DOP1B: variants seen among roughly 807,000 people sequenced by gnomAD.
DOP1B encodes protein DOP1B.
DOP1B carries 174 observed loss-of-function variants against 233.5 expected under a neutral mutation model. The observed-to-expected ratio is 0.75, with a 90% confidence interval of 0.66 to 0.85. DOP1B has a LOEUF of 0.85. DOP1B is among the 40% of genes least tolerant of loss of function. The pLI, the probability that DOP1B is intolerant of heterozygous loss-of-function variation, is 0.00. For missense variants in DOP1B, 2,652 were observed against 2,846.6 expected (o/e 0.93, Z 1.56); for synonymous variants, 1,190 against 1,185.6 (o/e 1.00, Z -0.08).
At chr21:36,282,447 A>G (rs1287756829) in intron 32 of DOP1B, among the ~76,000 whole-genome samples, 1 of 151,954 alleles carries the variant, frequency 6.6e-6, no homozygotes, top group East Asian at 1.9e-4. Flanking sequence ...AATCAATTAC[A>G]GTGTTATTAA....
In DOP1B at chr21:36,245,017, C is replaced by T; in HGVS notation, c.3068-31C>T. The T allele has an allele frequency of 6.4e-7, 1 of 1,569,064 alleles. No individual in the cohort carries two copies. The highest frequency in any genetic ancestry group is 8.7e-7 in the Non-Finnish European group (1 of 1,152,108). ...AATGTATCATAGCTGACCCTTCTGT[C>T]TAAAGTCATTTGTCATCTTGTAATT... On this transcript the variant is annotated intron_variant, in intron 18 of 36. Transcript: ENST00000691173. The surrounding 1 kb of genome is among the most constrained non-coding windows in gnomAD (Gnocchi z 5.5).
rs749249859 is a variant in DOP1B, at chr21:36,219,411, GGGCCTTT to G, written c.1170_1176del (p.Arg390SerfsTer24). Reference sequence around the variant, plus strand: ...GGGAATTTGTTTCTCGAAGTCATCAGGGCCTTTTATTCTTACTGCAGAGATGCCCTTG... The same window carrying G: ...GGGAATTTGTTTCTCGAAGTCATCAGTATTCTTACTGCAGAGATGCCCTTG... On this transcript the variant is annotated frameshift_variant, in exon 10 of 37. Transcript: ENST00000691173. LOFTEE classifies it high-confidence loss of function. The G allele has an allele frequency of 6.2e-6, 10 of 1,614,160 alleles. No homozygotes were observed. The highest frequency in any genetic ancestry group is 8.5e-6 in the Non-Finnish European group (10 of 1,180,048).
At chr21:36,257,260 C>G (rs2067109895) in intron 23 of DOP1B, among the ~76,000 whole-genome samples, 1 of 152,190 alleles carries the variant, frequency 6.6e-6, no homozygotes, top group African/African-American at 2.4e-5. Flanking sequence ...CTCACCAAAC[C>G]CAGTCCTCTT....
intron 26 of DOP1B, among the ~76,000 whole-genome samples, chr21:36,267,887 G>A (rs532992564): frequency 1.5e-3 from 227 of 152,026 alleles, no homozygotes; most frequent in Non-Finnish European, 2.4e-3. Context: ...AGAACAGGGA[G>A]TAGGTACAGA....
chr21:36,188,489 C>T (rs1252400859), intron 2 of DOP1B, among the ~76,000 whole-genome samples: 3 of 152,008 alleles, frequency 2.0e-5, no homozygotes, highest in Non-Finnish European at 4.4e-5. Context: ...TGGTCTGTTC[C>T]ATTTTCGTCC....
intron 4 of DOP1B, among the ~76,000 whole-genome samples, chr21:36,202,188 G>GA (rs1161864249): frequency 6.6e-6 from 1 of 151,818 alleles, no homozygotes; most frequent in African/African-American, 2.4e-5. Flanking sequence ...CTACGTCTCA[G>GA]AAAAAAACAA....
chr21:36,171,258 G>A (rs2123406509), intron 2 of DOP1B, among the ~76,000 whole-genome samples: 1 of 152,276 alleles, frequency 6.6e-6, no homozygotes, highest in Admixed American at 6.5e-5. Flanking sequence ...TTTGCTGCCA[G>A]GGACCCTGTC....
chr21:36,223,107 C>T (rs1364454337), intron 10 of DOP1B, 124 bp from the exon 11 acceptor site: 1 of 912,984 alleles, frequency 1.1e-6, no homozygotes, highest in Non-Finnish European at 1.6e-6. Flanking sequence ...TCATTTTTAT[C>T]AGGGTGTGTC....
At chr21:36,185,814 T>C (rs2066158857) in intron 2 of DOP1B, among the ~76,000 whole-genome samples, 1 of 152,180 alleles carries the variant, frequency 6.6e-6, no homozygotes, top group African/African-American at 2.4e-5. Context: ...CATAATAAAC[T>C]CTGACGGGGA....
Position 36,231,000 on chromosome 21 carries a change from TG to T in DOP1B, c.2222del (p.Gly741ValfsTer54). The T allele has an allele frequency of 6.2e-7, 1 of 1,614,134 alleles. No homozygotes were observed. On this transcript the variant is annotated frameshift_variant, in exon 14 of 37. Coordinates refer to ENST00000691173, the MANE Select transcript of DOP1B (RefSeq NM_001320714.2). LOFTEE classifies it high-confidence loss of function. ...EWDVEKVVID[L>X]GGSREERREA... ...GATGTTGAGAAGGTGGTCATTGACC[TG>T]GGGGGTTCCAGGGAGGAACGCAGGG...
chr21:36,265,529 A>T (rs147430298), intron 26 of DOP1B, among the ~76,000 whole-genome samples: 39 of 152,372 alleles, frequency 2.6e-4, no homozygotes, highest in African/African-American at 8.7e-4. Flanking sequence ...AGGTGCTGGG[A>T]TAGCACTTGC....
intron 2 of DOP1B, among the ~76,000 whole-genome samples, chr21:36,168,355 G>A (rs569511032): frequency 2.4e-4 from 36 of 152,166 alleles, no homozygotes; most frequent in African/African-American, 7.9e-4. Context: ...TTGAACCTCA[G>A]TTTTCAATTC....
chr21:36,168,203 C>A (rs1451963554), intron 2 of DOP1B, among the ~76,000 whole-genome samples: 1 of 152,042 alleles, frequency 6.6e-6, no homozygotes, highest in Non-Finnish European at 1.5e-5. Context: ...CTTGGCCTCC[C>A]AAAGTGCTGG....
At chr21:36,176,661 T>C (rs1024374663) in intron 2 of DOP1B, among the ~76,000 whole-genome samples, 4 of 152,132 alleles carry the variant, frequency 2.6e-5, no homozygotes, top group African/African-American at 9.7e-5. Context: ...AGGATGCTGT[T>C]GATGGGAATT....
intron 20 of DOP1B, 22 bp from the exon 21 acceptor site, chr21:36,248,358 A>T (rs766633615): frequency 3.1e-6 from 5 of 1,611,104 alleles, no homozygotes; most frequent in Non-Finnish European, 4.2e-6. Flanking sequence ...AGCCTGCCTC[A>T]TGTATTCATT....
Position 36,286,754 on chromosome 21 carries a change from G to A in DOP1B, c.6161-1260G>A, listed in dbSNP as rs187003825. On this transcript the variant is annotated intron_variant, in intron 32 of 36. Transcript: ENST00000691173. ...AGGCAGGTGGATCATCTGAGGTCAG[G>A]AGTTAAAAGATCAGCCTGGCCAACA... Among the ~76,000 whole-genome samples, 337 of 152,102 alleles carry A rather than the reference G, an allele frequency of 2.2e-3. 4 individuals are homozygous for A. The highest frequency in any genetic ancestry group is 7.7e-3 in the African/African-American group (319 of 41,480).
In DOP1B at chr21:36,232,774, T is replaced by G. The variant is rs200492300; in HGVS notation, c.2351-30T>G. On this transcript the variant is annotated intron_variant, in intron 14 of 36. Transcript: ENST00000691173. ...ACCCATTCTCACGTGGTTCTGCTTG[T>G]TTCTGCCTCTCCGGCTGGCTTCCTT... 20 of 1,611,166 alleles carry G rather than the reference T, an allele frequency of 1.2e-5. No individual in the cohort carries two copies. The East Asian group carries it at 4.5e-4, about 36-fold the overall frequency.
intron 14 of DOP1B, 136 bp from the exon 15 acceptor site, chr21:36,232,668 G>T: frequency 8.6e-7 from 1 of 1,159,396 alleles, no homozygotes. Flanking sequence ...CTCACCAGCG[G>T]GAGGTTAGCG....
intron 16 of DOP1B, 55 bp downstream of exon 16, chr21:36,237,469 G>A (rs1042152221): frequency 1.2e-5 from 20 of 1,601,440 alleles, no homozygotes; most frequent in African/African-American, 9.4e-5. Flanking sequence ...CCTGCTGTAC[G>A]TGCCCTTAGC....
Sources: allele counts gnomAD v4.1 joint callset (sites outside exome capture counted in the v4.1 genomes callset), GRCh38; gene constraint gnomAD v4.1.1; non-coding constraint Gnocchi (gnomAD v3.1); transcripts MANE v1.5; gene names NCBI Gene and HGNC (gene_info 2026-07-23, HGNC 2026-07-21).